Variants in DNM2 observed in about 807,000 individuals in gnomAD.
The protein encoded by DNM2 is dynamin-2.
A neutral mutation model predicts 99.0 loss-of-function variants in DNM2; 15 were observed. The ratio of observed to expected loss-of-function variants is 0.15; its 90% CI spans 0.10 to 0.23. The LOEUF (loss-of-function observed/expected upper bound fraction) is 0.23. Ranked by LOEUF, DNM2 falls within the 10% of genes least tolerant of loss-of-function variation. DNM2 has a pLI of 1.00. For missense variants in DNM2, 742 were observed against 1,189.4 expected, an observed-to-expected ratio of 0.62 and a Z score of 5.53; for synonymous variants, 525 against 481.2, an observed-to-expected ratio of 1.09 and a Z score of -1.19.
intron 2 of DNM2, among the ~76,000 whole-genome samples, chr19:10,760,571 G>T (rs546610026): frequency 9.2e-5 from 14 of 152,124 alleles, no homozygotes; most frequent in Non-Finnish European, 1.8e-4. Flanking sequence ...CAGATATCTG[G>T]CTGGTTTTAT....
chr19:10,792,647 G>A (rs77388149), intron 7 of DNM2, among the ~76,000 whole-genome samples: 14,153 of 151,436 alleles, frequency 0.093, 1,134 homozygotes, highest in East Asian at 0.36. Flanking sequence ...ACTCTGTCTC[G>A]CCCAGGCTGG....
At position 10,820,587 on chromosome 19, in the gene DNM2, G is replaced by C. The variant is rs994178133; in HGVS notation, c.1781+498G>C. Reference sequence around the variant, plus strand: ...AGGCACCAATTGTGACCCTGAGTACGTGGGCCTGAGCTCCTGCACTGCCCA... The same window carrying C: ...AGGCACCAATTGTGACCCTGAGTACCTGGGCCTGAGCTCCTGCACTGCCCA... On this transcript the variant is annotated intron_variant, in intron 16 of 20. Coordinates refer to ENST00000389253, the MANE Select transcript of DNM2 (RefSeq NM_001005361.3). The surrounding 1 kb of genome is among the most constrained non-coding windows in gnomAD (Gnocchi z 4.3). Among the ~76,000 whole-genome samples, 1 of 152,220 alleles carries C rather than the reference G, an allele frequency of 6.6e-6. No homozygotes were observed. The highest frequency in any genetic ancestry group is 1.5e-5 in the Non-Finnish European group (1 of 68,026).
At chr19:10,825,251 G>T in intron 18 of DNM2, 30 bp downstream of exon 18, 1 of 1,612,452 alleles carries the variant, frequency 6.2e-7, no homozygotes. Context: ...TGAGAAGGAG[G>T]TAGCTGGGTG....
intron 7 of DNM2, among the ~76,000 whole-genome samples, chr19:10,789,398 C>T (rs930403202): frequency 6.6e-6 from 1 of 151,966 alleles, no homozygotes; most frequent in Non-Finnish European, 1.5e-5. Flanking sequence ...TCTCACATGG[C>T]CATGGGGACA....
Position 10,765,487 on chromosome 19 carries a change from A to G in DNM2, c.235+5676A>G, listed in dbSNP as rs1419420987. 1.3e-5 allele frequency among the ~76,000 whole-genome samples: 2 copies of G among 152,142 alleles called. No individual in the cohort carries two copies. Among genetic ancestry groups the G allele is most frequent in the Non-Finnish European group, 2.9e-5 (2 of 68,018 alleles). ...GCCTGGTCCATCACTCTGCCATTCC[A>G]TCTGCAGCCTTGTATCTAGAGAGCA... On this transcript the variant is annotated intron_variant, in intron 2 of 20. Coordinates refer to ENST00000389253, the MANE Select transcript of DNM2 (RefSeq NM_001005361.3). The surrounding 1 kb of genome is among the most constrained non-coding windows in gnomAD (Gnocchi z 4.4).
intron 1 of DNM2, among the ~76,000 whole-genome samples, chr19:10,735,626 G>A (rs912772459): frequency 1.1e-4 from 17 of 151,886 alleles, no homozygotes; most frequent in Non-Finnish European, 2.1e-4. Flanking sequence ...CGATTCTCCT[G>A]CCTCAGCCGC....
chr19:10,759,680 C>A, intron 1 of DNM2, 58 bp from the exon 2 acceptor site: 1 of 1,607,926 alleles, frequency 6.2e-7, no homozygotes, highest in Non-Finnish European at 8.5e-7. Context: ...TGTGGTCACA[C>A]TTCCTGCCCC....
intron 2 of DNM2, among the ~76,000 whole-genome samples, chr19:10,767,241 C>T (rs2070828687): frequency 6.6e-6 from 1 of 151,726 alleles, no homozygotes; most frequent in Non-Finnish European, 1.5e-5. Context: ...AAAATCATCT[C>T]ATCTCCAGCA....
chr19:10,795,911 G>A lies in DNM2; in HGVS notation c.1196+472G>A. On this transcript the variant is annotated intron_variant, in intron 9 of 20. Transcript: ENST00000389253. This position sits in a 1 kb window ranked among gnomAD's most constrained non-coding sequence, Gnocchi z 4.2. Reference sequence around the variant, plus strand: ...GTGGGGTCCTCGGGTCACCCTGAGGGTTTCCGGGCAGTGGACTCAGGCATC... The same window carrying A: ...GTGGGGTCCTCGGGTCACCCTGAGGATTTCCGGGCAGTGGACTCAGGCATC... 7.5e-7 allele frequency: 1 copy of A among 1,341,352 alleles called. No individual in the cohort carries two copies. The highest frequency in any genetic ancestry group is 1.1e-6 in the Non-Finnish European group (1 of 947,980). The allele number at this position is 1,341,352 out of a possible 1,614,324, so 83.1% of individuals were successfully genotyped here.
Position 10,817,028 on chromosome 19 carries a change from A to G in DNM2, c.1672-2952A>G, listed in dbSNP as rs561661769. The stretch of plus-strand genomic sequence containing the variant: ...CCCAGACACAAAGCAGGCTCCATTC[A>G]GGAGGGGGCAGCCATGGAACCTGAC... On this transcript the variant is annotated intron_variant, in intron 15 of 20. Coordinates refer to ENST00000389253, the MANE Select transcript of DNM2 (RefSeq NM_001005361.3). The surrounding 1 kb of genome is among the most constrained non-coding windows in gnomAD (Gnocchi z 4.6). 1.4e-4 allele frequency among the ~76,000 whole-genome samples: 22 copies of G among 152,292 alleles called. No individual in the cohort carries two copies. The South Asian group carries it at 4.6e-3, about 32-fold the overall frequency.
At chr19:10,731,354 C>CTT (rs369402403) in intron 1 of DNM2, among the ~76,000 whole-genome samples, 5,715 of 139,524 alleles carry the variant, frequency 0.041, 393 homozygotes, top group East Asian at 0.31. Context: ...TCTTTTCCTT[C>CTT]TTTTTTTTTT....
chr19:10,815,934 G>A (rs1049521962), intron 15 of DNM2, among the ~76,000 whole-genome samples: 1 of 152,126 alleles, frequency 6.6e-6, no homozygotes, highest in Non-Finnish European at 1.5e-5. Context: ...AAGAGAGGCG[G>A]GCCTCTTGGC....
At chr19:10,823,568 C>G (rs1468411586) in intron 16 of DNM2, 2 of 564,384 alleles carry the variant, frequency 3.5e-6, no homozygotes, top group East Asian at 3.0e-5. Context: ...GTCAGCTGAT[C>G]CAACAGAAAC....
intron 1 of DNM2, among the ~76,000 whole-genome samples, chr19:10,725,611 A>G (rs908854583): frequency 1.3e-5 from 2 of 152,144 alleles, no homozygotes; most frequent in Non-Finnish European, 2.9e-5. Context: ...TCTGGGCCTC[A>G]GTTTCCTCAT....
intron 12 of DNM2, chr19:10,802,732 C>T: frequency 8.5e-6 from 3 of 353,482 alleles, no homozygotes; most frequent in South Asian, 7.2e-5. Flanking sequence ...TGGACAGCAT[C>T]TCATGGGCTC....
chr19:10,780,536 C>G (rs2071334077), intron 5 of DNM2, among the ~76,000 whole-genome samples: 1 of 152,162 alleles, frequency 6.6e-6, no homozygotes, highest in Non-Finnish European at 1.5e-5. Context: ...TCTCAGCTCA[C>G]TTGTAGGCCT....
intron 1 of DNM2, among the ~76,000 whole-genome samples, chr19:10,723,560 G>C (rs569860193): frequency 6.6e-6 from 1 of 152,170 alleles, no homozygotes; most frequent in South Asian, 2.1e-4. Flanking sequence ...AAGCCACCGC[G>C]CCCAGCCCCG....
intron 6 of DNM2, among the ~76,000 whole-genome samples, chr19:10,784,511 C>A (rs1049568245): frequency 1.3e-5 from 2 of 152,188 alleles, no homozygotes; most frequent in Non-Finnish European, 2.9e-5. Flanking sequence ...CTCCAGGGAG[C>A]CTGGAGGGGG....
In DNM2 at chr19:10,831,576, T is replaced by C; in HGVS notation, c.*529T>C. On this transcript the variant is annotated 3_prime_UTR_variant, in exon 21 of 21. Transcript: ENST00000389253. This position sits in a 1 kb window ranked among gnomAD's most constrained non-coding sequence, Gnocchi z 4.3. ...TGTACATAGTCCTTCCCGGCCATAT[T>C]AACCACACAGCCTGAGCCTGGCCCA... The C allele has an allele frequency of 2.0e-6, 2 of 985,952 alleles. No individual in the cohort carries two copies. The highest frequency in any genetic ancestry group is 2.4e-6 in the Non-Finnish European group (2 of 830,038). The allele number at this position is 985,952 out of a possible 1,614,324, so 61.1% of individuals were successfully genotyped here.
Sources: allele counts gnomAD v4.1 joint callset (sites outside exome capture counted in the v4.1 genomes callset), GRCh38; gene constraint gnomAD v4.1.1; non-coding constraint Gnocchi (gnomAD v3.1); transcripts MANE v1.5; gene names NCBI Gene and HGNC (gene_info 2026-07-23, HGNC 2026-07-21).